The following MDM2 variants were observed in gnomAD, a reference collection of about 807,000 sequenced individuals.
MDM2 encodes the protein E3 ubiquitin-protein ligase Mdm2.
In MDM2, 11 loss-of-function variants were observed where a neutral mutation model predicts 64.3. That is an observed-to-expected ratio of 0.17 (90% CI 0.11 to 0.28). The LOEUF (loss-of-function observed/expected upper bound fraction) is 0.28. Among genes scored for constraint, MDM2 ranks in the 10% least tolerant of loss-of-function variants. The pLI, the probability that MDM2 is intolerant of heterozygous loss-of-function variation, is 1.00. For missense variants in MDM2, 388 were observed against 577.1 expected, an observed-to-expected ratio of 0.67 and a Z score of 3.36; for synonymous variants, 194 against 192.9, an observed-to-expected ratio of 1.01 and a Z score of -0.05.
In MDM2 at chr12:68,835,982, G is replaced by C; in HGVS notation, c.838G>C (p.Glu280Gln). The change falls in exon 9 of 11, where the codon GAG becomes CAG. Residue 280 changes from glutamate to glutamine, a missense_variant and splice_region_variant. Coordinates refer to ENST00000258149, the MANE Select transcript of MDM2 (RefSeq NM_002392.6). ...ACAAGAACTCTCAGATGAAGATGAT[G>C]AGGTAGTATTTTTTTTCCCCTCTAA... ...EGQELSDEDD[E>Q]VYQVTVYQAG... 1 of 1,597,114 alleles carries C rather than the reference G, an allele frequency of 6.3e-7. No homozygotes were observed. The highest frequency in any genetic ancestry group is 2.2e-5 in the East Asian group (1 of 44,582).
In MDM2 at chr12:68,836,707, T is replaced by C. The variant is rs2136171112; in HGVS notation, c.876T>C (p.Ser292=). 1 of 1,611,992 alleles carries C rather than the reference T, an allele frequency of 6.2e-7. No individual in the cohort carries two copies. The highest frequency in any genetic ancestry group is 8.5e-7 in the Non-Finnish European group (1 of 1,178,444). ...YQVTVYQAGE[S]DTDSFEEDPE... ...TTACTGTGTATCAGGCAGGGGAGAG[T>C]GATACAGATTCATTTGAAGAAGATC... The change falls in exon 10 of 11, where the codon AGT becomes AGC. Residue 292 remains serine (S), a synonymous_variant. Coordinates refer to ENST00000258149, the MANE Select transcript of MDM2 (RefSeq NM_002392.6).
intron 9 of MDM2, 99 bp from the exon 10 acceptor site, chr12:68,836,573 A>G: frequency 2.4e-6 from 2 of 836,870 alleles, no homozygotes; most frequent in Non-Finnish European, 4.2e-6. Flanking sequence ...TTTCTCATAT[A>G]TTGTAGTACA....
chr12:68,846,448 G>A (rs1010685951), downstream of MDM2: 4 of 152,074 alleles, frequency 2.6e-5, no homozygotes, highest in Admixed American at 2.6e-4. Flanking sequence ...TTATTTCTCA[G>A]GGTTAAATTT....
intron 8 of MDM2, 115 bp downstream of exon 8, chr12:68,829,046 A>T (rs955448295): frequency 9.5e-7 from 1 of 1,048,408 alleles, no homozygotes; most frequent in Admixed American, 2.4e-5. Flanking sequence ...GATAGAAAAC[A>T]CAGTGCTAAA....
intron 8 of MDM2, among the ~76,000 whole-genome samples, chr12:68,833,149 A>AAAAAT (rs1555187768): frequency 1.5e-5 from 1 of 65,970 alleles, no homozygotes; most frequent in Non-Finnish European, 2.6e-5. Flanking sequence ...AAAAAAAAAA[A>AAAAAT]ATATATATAT....
intron 1 of MDM2, chr12:68,808,929 G>T: frequency 7.3e-7 from 1 of 1,373,906 alleles, no homozygotes; most frequent in Non-Finnish European, 9.4e-7. Context: ...AGCTGGTCAA[G>T]TTCAGACACG....
At chr12:68,826,660 A>G (rs542985276) in intron 7 of MDM2, among the ~76,000 whole-genome samples, 90 of 146,068 alleles carry the variant, frequency 6.2e-4, no homozygotes, top group Non-Finnish European at 9.7e-4. Context: ...AAAAAAAAAA[A>G]AAAAGAAAAG....
chr12:68,814,359 A>AT (rs1366100375), intron 3 of MDM2, among the ~76,000 whole-genome samples: 1 of 152,218 alleles, frequency 6.6e-6, no homozygotes, highest in Non-Finnish European at 1.5e-5. Context: ...TGGCCAATAA[A>AT]TATTATCTTG....
chr12:68,828,748 A>T (rs757225399), intron 7 of MDM2, 23 bp from the exon 8 acceptor site: 1 of 1,610,048 alleles, frequency 6.2e-7, no homozygotes, highest in Middle Eastern at 1.7e-4. Flanking sequence ...ACAGCAATTT[A>T]TTTTTTTTCC....
At chr12:68,819,425 G>A (rs1881663181) in intron 4 of MDM2, among the ~76,000 whole-genome samples, 1 of 152,178 alleles carries the variant, frequency 6.6e-6, no homozygotes. Flanking sequence ...ACCAGTGACT[G>A]GTACGTGGTA....
At chr12:68,818,767 C>CT (rs1040051073) in intron 4 of MDM2, among the ~76,000 whole-genome samples, 198 of 145,782 alleles carry the variant, frequency 1.4e-3, no homozygotes, top group African/African-American at 3.6e-3. Context: ...TATTTTTTTT[C>CT]TTTTTTTTTT....
intron 9 of MDM2, 82 bp downstream of exon 9, chr12:68,836,066 A>G (rs938372810): frequency 2.5e-6 from 3 of 1,199,474 alleles, no homozygotes; most frequent in Non-Finnish European, 3.4e-6. Context: ...TTGAAATAAT[A>G]TTATTCAGAT....
chr12:68,844,195 A>G lies in MDM2; in HGVS notation c.*4346A>G, dbSNP rs1270289517. The G allele has an allele frequency of 4.8e-6, 1 of 208,918 alleles. No homozygotes were observed. Among genetic ancestry groups the G allele is most frequent in the Non-Finnish European group, 9.7e-6 (1 of 102,938 alleles). 12.9% of individuals were successfully genotyped at this position (208,918 alleles called of 1,614,324 possible). On this transcript the variant is annotated 3_prime_UTR_variant, in exon 11 of 11. Coordinates refer to ENST00000258149, the MANE Select transcript of MDM2 (RefSeq NM_002392.6). ...GATTAAGAATTGTTTCAAGAATGCA[A>G]TTATTTGATCTTAAATTTTTATGAG...
At chr12:68,825,668 A>G (rs568482254) in intron 7 of MDM2, among the ~76,000 whole-genome samples, 1 of 152,326 alleles carries the variant, frequency 6.6e-6, no homozygotes, top group East Asian at 1.9e-4. Flanking sequence ...AGAGAGAGAG[A>G]AAATAGTTGA....
chr12:68,835,756 G>A (rs746505618), intron 8 of MDM2, 73 bp from the exon 9 acceptor site: 3 of 1,413,952 alleles, frequency 2.1e-6, no homozygotes, highest in Non-Finnish European at 2.9e-6. Context: ...AGAGGCACAG[G>A]GATGAGTTAG....
At chr12:68,813,308 G>A (rs1019838554) in intron 2 of MDM2, among the ~76,000 whole-genome samples, 8 of 152,188 alleles carry the variant, frequency 5.3e-5, no homozygotes, top group African/African-American at 1.7e-4. Context: ...ATTTATGGTT[G>A]TTTGTAAGGC....
intron 5 of MDM2, among the ~76,000 whole-genome samples, chr12:68,821,600 G>A (rs972778898): frequency 3.9e-5 from 6 of 152,136 alleles, no homozygotes; most frequent in African/African-American, 1.4e-4. Flanking sequence ...GTGCATGCCT[G>A]TAGTCCTAGC....
In MDM2 at chr12:68,836,757, T is replaced by C. The variant is rs773741694; in HGVS notation, c.918+8T>C. 65 of 1,575,258 alleles carry C rather than the reference T, an allele frequency of 4.1e-5. No individual in the cohort carries two copies. The Middle Eastern group carries it at 7.0e-4, about 17-fold the overall frequency. ...CCTGAAATTTCCTTAGCTGTAAGTA[T>C]ACATCTACTTTTTTAAGAAATAAAA... On this transcript the variant is annotated splice_region_variant and intron_variant, in intron 10 of 10. Transcript: ENST00000258149.
At chr12:68,831,799 G>A (rs1255432050) in intron 8 of MDM2, among the ~76,000 whole-genome samples, 1 of 152,176 alleles carries the variant, frequency 6.6e-6, no homozygotes, top group Non-Finnish European at 1.5e-5. Context: ...CGGGCGTGGT[G>A]GCTCATGCCT....
Sources: gnomAD v4.1 joint callset for allele counts (sites outside exome capture counted in the v4.1 genomes callset) on GRCh38, gnomAD v4.1.1 for gene constraint, MANE v1.5 for transcripts, NCBI Gene and HGNC (gene_info 2026-07-23, HGNC 2026-07-21) for gene names.